Variants in SPPL3 observed in about 807,000 individuals in gnomAD.
SPPL3 encodes the protein signal peptide peptidase-like 3.
Under a neutral mutation model 42.4 loss-of-function variants are expected in SPPL3, and 5 were observed. That is an observed-to-expected ratio of 0.12 (90% confidence interval 0.06 to 0.25). The LOEUF (loss-of-function observed/expected upper bound fraction) is 0.25, where lower values mean the gene tolerates loss of function less well. Ranked by LOEUF, SPPL3 falls within the 10% of genes least tolerant of loss-of-function variation. The probability of loss-of-function intolerance (pLI) is 1.00; values close to 1 mark genes in which losing one functional copy is unlikely to be tolerated. For synonymous variants in SPPL3, 195 were observed against 181.8 expected, an observed-to-expected ratio of 1.07 and a Z score of -0.58; for missense variants, 235 against 489.0, an observed-to-expected ratio of 0.48 and a Z score of 4.90.
In SPPL3 at chr12:120,852,751, A is replaced by G. The variant is rs1455379719; in HGVS notation, c.24-41865T>C. 2.9e-5 allele frequency among the ~76,000 whole-genome samples: 2 copies of G among 70,086 alleles called. 1 individual carries two copies. Among genetic ancestry groups the G allele is most frequent in the Non-Finnish European group, 5.2e-5 (2 of 38,336 alleles). 46.0% of individuals were successfully genotyped at this position (70,086 alleles called of 152,430 possible). Reference sequence around the variant, plus strand: ...ATAATATACATATAATATATTTCATATATTATATCTATGTATATTATATAT... The same window carrying G: ...ATAATATACATATAATATATTTCATGTATTATATCTATGTATATTATATAT... On this transcript the variant is annotated intron_variant, in intron 1 of 10. Transcript: ENST00000353487.
chr12:120,802,392 C>CAT (rs1234295710), intron 2 of SPPL3, among the ~76,000 whole-genome samples: 2 of 119,882 alleles, frequency 1.7e-5, no homozygotes, highest in Admixed American at 8.0e-5. Flanking sequence ...TATATATACA[C>CAT]ATATATGTGT....
At chr12:120,853,967 C>CACACACACAT (rs1872349801) in intron 1 of SPPL3, among the ~76,000 whole-genome samples, 2 of 129,538 alleles carry the variant, frequency 1.5e-5, no homozygotes, top group African/African-American at 6.0e-5. Context: ...CCACCACCAC[C>CACACACACAT]ACACACACGC....
At chr12:120,849,691 G>A (rs1382162101) in intron 1 of SPPL3, among the ~76,000 whole-genome samples, 3 of 152,148 alleles carry the variant, frequency 2.0e-5, no homozygotes, top group Non-Finnish European at 4.4e-5. Flanking sequence ...AGCTTGACTA[G>A]TGCACAATAC....
At chr12:120,831,782 T>C (rs75067612) in intron 1 of SPPL3, among the ~76,000 whole-genome samples, 14 of 152,312 alleles carry the variant, frequency 9.2e-5, no homozygotes, top group African/African-American at 3.4e-4. Context: ...GTCATTTTAA[T>C]CTGGGAGTTG....
intron 1 of SPPL3, among the ~76,000 whole-genome samples, chr12:120,899,792 C>T (rs1025282306): frequency 2.1e-5 from 3 of 145,648 alleles, no homozygotes; most frequent in Non-Finnish European, 1.5e-5. Flanking sequence ...ACTCGGGAGG[C>T]TGAGGCACAA....
chr12:120,792,613 T>C (rs1021848910), intron 2 of SPPL3, among the ~76,000 whole-genome samples: 2 of 150,230 alleles, frequency 1.3e-5, no homozygotes, highest in Non-Finnish European at 2.9e-5. Context: ...GGCAGGATAA[T>C]TGCTTGACCC....
At chr12:120,850,928 T>C (rs984449170) in intron 1 of SPPL3, among the ~76,000 whole-genome samples, 3 of 152,162 alleles carry the variant, frequency 2.0e-5, no homozygotes, top group Non-Finnish European at 2.9e-5. Flanking sequence ...TGTGATTATA[T>C]TGGGCCAACA....
At chr12:120,782,228 G>C (rs12824150) in intron 6 of SPPL3, among the ~76,000 whole-genome samples, 47,517 of 152,062 alleles carry the variant, frequency 0.31, 9,000 homozygotes, top group Middle Eastern at 0.44. Context: ...ATTCAAAGAA[G>C]CATCATTCAT....
chr12:120,861,914 T>A (rs569350895), intron 1 of SPPL3, among the ~76,000 whole-genome samples: 88 of 152,334 alleles, frequency 5.8e-4, no homozygotes, highest in African/African-American at 2.0e-3. Context: ...TGGGCTGTAG[T>A]GCTCAACATC....
intron 1 of SPPL3, among the ~76,000 whole-genome samples, chr12:120,852,697 AT>A (rs1185363377): frequency 4.7e-5 from 2 of 43,002 alleles, no homozygotes; most frequent in Admixed American, 7.6e-4. Context: ...TAATATACAT[AT>A]TTTACATATA....
chr12:120,789,718 C>T (rs1000954502), intron 3 of SPPL3, among the ~76,000 whole-genome samples: 6 of 146,846 alleles, frequency 4.1e-5, no homozygotes, highest in Non-Finnish European at 7.4e-5. Flanking sequence ...CCAGCTACCC[C>T]AGGGGCTGAG....
At chr12:120,859,483 G>A (rs1872561822) in intron 1 of SPPL3, among the ~76,000 whole-genome samples, 1 of 152,178 alleles carries the variant, frequency 6.6e-6, no homozygotes. Flanking sequence ...ACAGCAGTGT[G>A]CATTATTACT....
At chr12:120,797,355 C>T (rs1870135724) in intron 2 of SPPL3, among the ~76,000 whole-genome samples, 1 of 152,098 alleles carries the variant, frequency 6.6e-6, no homozygotes, top group African/African-American at 2.4e-5. Flanking sequence ...ATCTTTCTCT[C>T]TGCACCATGA....
intron 2 of SPPL3, 108 bp downstream of exon 2, chr12:120,810,701 C>T (rs1870653507): frequency 9.9e-6 from 8 of 808,730 alleles, no homozygotes; most frequent in East Asian, 5.0e-5. Flanking sequence ...CAAATCCTGC[C>T]GAAGTCCTGT....
intron 1 of SPPL3, among the ~76,000 whole-genome samples, chr12:120,857,787 G>A (rs998288524): frequency 3.9e-5 from 6 of 152,110 alleles, no homozygotes; most frequent in Non-Finnish European, 8.8e-5. Context: ...TGGACACAGG[G>A]AGGGGAACAA....
intron 1 of SPPL3, among the ~76,000 whole-genome samples, chr12:120,888,568 G>C (rs1343041262): frequency 6.6e-6 from 1 of 152,144 alleles, no homozygotes; most frequent in African/African-American, 2.4e-5. Flanking sequence ...CAAAACAAAA[G>C]CTATGTATCA....
intron 1 of SPPL3, among the ~76,000 whole-genome samples, chr12:120,880,564 AG>A (rs772267510): frequency 6.6e-6 from 1 of 151,910 alleles, no homozygotes; most frequent in Non-Finnish European, 1.5e-5. Context: ...TGAAGTGTGC[AG>A]ATCATGAGGT....
intron 2 of SPPL3, among the ~76,000 whole-genome samples, chr12:120,793,039 G>T (rs182277019): frequency 4.1e-4 from 63 of 152,262 alleles, no homozygotes; most frequent in Middle Eastern, 6.8e-3. Flanking sequence ...TCTGATAAGG[G>T]ACTTGTGTCT....
chr12:120,845,190 A>G (rs1871978361), intron 1 of SPPL3: 1 of 460,044 alleles, frequency 2.2e-6, no homozygotes, highest in Admixed American at 2.5e-5. Context: ...AGGTGGCCTG[A>G]ATGTACCAGT....
Sources: gnomAD v4.1 joint callset for allele counts (sites outside exome capture counted in the v4.1 genomes callset) on GRCh38, gnomAD v4.1.1 for gene constraint, MANE v1.5 for transcripts, NCBI Gene and HGNC (gene_info 2026-07-23, HGNC 2026-07-21) for gene names.